PIK3C2G: variants seen among roughly 807,000 people sequenced by gnomAD.
PIK3C2G encodes phosphatidylinositol 3-kinase C2 domain-containing subunit gamma.
PIK3C2G carries 168 observed loss-of-function variants against 181.1 expected under a neutral mutation model. That is an observed-to-expected ratio of 0.93 (90% confidence interval 0.82 to 1.05). The LOEUF (loss-of-function observed/expected upper bound fraction) is 1.05, where lower values mean the gene tolerates loss of function less well. Ranked by LOEUF, PIK3C2G falls within the 50% of genes least tolerant of loss-of-function variation. The pLI, the probability that PIK3C2G is intolerant of heterozygous loss-of-function variation, is 0.00. For synonymous variants in PIK3C2G, 573 were observed against 592.2 expected, an observed-to-expected ratio of 0.97 and a Z score of 0.47; for missense variants, 1,869 against 1,732.8, an observed-to-expected ratio of 1.08 and a Z score of -1.40.
upstream of PIK3C2G, among the ~76,000 whole-genome samples, chr12:18,243,194 C>G (rs990018354): frequency 6.7e-6 from 1 of 148,224 alleles, no homozygotes; most frequent in African/African-American, 2.5e-5. Flanking sequence ...TAAAGTCTTT[C>G]TGTGTGTGTG....
At position 18,314,004 on chromosome 12, in the gene PIK3C2G, A is replaced by T. The variant is rs373231729; in HGVS notation, c.1077A>T (p.Lys359Asn). ...GCCACAAAATGTTTCAAAAAGATAA[A>T]TCTGTTATTCAGCTCCACCTGCAGA... The part of the protein sequence containing the change: ...LGSHKMFQKD[K>N]SVIQLHLQKS... The change falls in exon 6 of 33, where the codon AAA (lysine) becomes AAT (asparagine). Residue 359 changes from lysine (K) to asparagine (N), a missense_variant. Physicochemically the swap from Lys to Asn is moderately conservative, Grantham distance 94 (BLOSUM62 0). Transcript: ENST00000538779. The T allele has an allele frequency of 8.9e-5, 141 of 1,592,208 alleles. No homozygotes were observed. The highest frequency in any genetic ancestry group is 1.7e-4 in the Middle Eastern group (1 of 6,038).
At chr12:18,264,926 G>A (rs1948416749) in intron 1 of PIK3C2G, among the ~76,000 whole-genome samples, 1 of 152,144 alleles carries the variant, frequency 6.6e-6, no homozygotes, top group Non-Finnish European at 1.5e-5. Context: ...GTAGAAGCCT[G>A]CATGGGGCAT....
At chr12:18,559,821 T>TATATAGAGAGAGAGAG (rs1945244509) in intron 26 of PIK3C2G, among the ~76,000 whole-genome samples, 1 of 18,372 alleles carries the variant, frequency 5.4e-5, no homozygotes, top group Non-Finnish European at 9.6e-5. Flanking sequence ...TATATATATA[T>TATATAGAGAGAGAGAG]AGAGAGAGAG....
chr12:18,582,188 G>A (rs1946533109), intron 29 of PIK3C2G, among the ~76,000 whole-genome samples: 1 of 152,142 alleles, frequency 6.6e-6, no homozygotes, highest in Non-Finnish European at 1.5e-5. Context: ...TACAGCACCT[G>A]CGATTGAAGC....
At chr12:18,514,776 A>G (rs943543691) in intron 24 of PIK3C2G, among the ~76,000 whole-genome samples, 80 of 151,994 alleles carry the variant, frequency 5.3e-4, no homozygotes, top group African/African-American at 1.8e-3. Flanking sequence ...TTCCAACACT[A>G]TGTTGAAGAA....
the PIK3C2G span, among the ~76,000 whole-genome samples, chr12:18,696,890 T>C: frequency 6.6e-6 from 1 of 152,162 alleles, no homozygotes; most frequent in African/African-American, 2.4e-5. Context: ...ATTTCAAATG[T>C]CGTTCTTACT....
chr12:18,299,196 T>C (rs1950072509), intron 5 of PIK3C2G, among the ~76,000 whole-genome samples: 1 of 152,004 alleles, frequency 6.6e-6, no homozygotes, highest in African/African-American at 2.4e-5. Context: ...TCCATTTATT[T>C]GTGTGCTGTT....
At chr12:18,666,620 G>T in the PIK3C2G span, among the ~76,000 whole-genome samples, 1 of 152,136 alleles carries the variant, frequency 6.6e-6, no homozygotes, top group Non-Finnish European at 1.5e-5. Context: ...ACAACATTTG[G>T]AGATTTTAAT....
At chr12:18,342,510 T>C (rs951368638) in intron 9 of PIK3C2G, among the ~76,000 whole-genome samples, 1 of 152,010 alleles carries the variant, frequency 6.6e-6, no homozygotes, top group Non-Finnish European at 1.5e-5. Context: ...ATTTTTACTT[T>C]TTTAAATTTT....
intron 16 of PIK3C2G, among the ~76,000 whole-genome samples, chr12:18,410,832 T>G (rs1466673084): frequency 2.6e-5 from 4 of 152,212 alleles, no homozygotes; most frequent in African/African-American, 9.6e-5. Flanking sequence ...GTGCTTTCAG[T>G]ACACTACTGG....
At chr12:18,254,172 A>G (rs995384424) in intron 1 of PIK3C2G, among the ~76,000 whole-genome samples, 1 of 152,110 alleles carries the variant, frequency 6.6e-6, no homozygotes, top group Non-Finnish European at 1.5e-5. Flanking sequence ...ATTTTTGTGT[A>G]CTTTGTATTA....
At chr12:18,399,113 T>A (rs993270400) in intron 15 of PIK3C2G, among the ~76,000 whole-genome samples, 5 of 145,950 alleles carry the variant, frequency 3.4e-5, no homozygotes, top group Non-Finnish European at 7.5e-5. Context: ...GAGAATGGCG[T>A]GAACCCGGGA....
At chr12:18,692,716 A>G in the PIK3C2G span, 2 of 810,466 alleles carry the variant, frequency 2.5e-6, no homozygotes, top group South Asian at 1.5e-5. Context: ...ACTTTGAATC[A>G]TCAACATAAA....
rs371325392 is a variant in PIK3C2G, at chr12:18,306,464, CTGG to C, written c.1035-7496_1035-7494del. 2.2e-4 allele frequency among the ~76,000 whole-genome samples: 33 copies of C among 152,160 alleles called. No homozygotes were observed. The East Asian group carries it at 5.6e-3, about 26-fold the overall frequency. ...AAAATAACAATAAACTCAAGAAGCA[CTGG>C]TTTAGTGAAACAACGTATCACTGAC... On this transcript the variant is annotated intron_variant, in intron 5 of 32. Coordinates refer to ENST00000538779, the MANE Select transcript of PIK3C2G (RefSeq NM_001288772.2).
chr12:18,661,563 T>C, the PIK3C2G span, among the ~76,000 whole-genome samples: 1 of 152,168 alleles, frequency 6.6e-6, no homozygotes, highest in Non-Finnish European at 1.5e-5. Flanking sequence ...TCAACATTAT[T>C]AATCAGAAAA....
At chr12:18,389,198 A>G (rs1318683067) in intron 14 of PIK3C2G, among the ~76,000 whole-genome samples, 7 of 151,968 alleles carry the variant, frequency 4.6e-5, no homozygotes, top group Non-Finnish European at 1.0e-4. Flanking sequence ...TAAAAATACA[A>G]AAAAATTAGC....
At chr12:18,539,735 C>T (rs182579870) in intron 25 of PIK3C2G, among the ~76,000 whole-genome samples, 4 of 151,976 alleles carry the variant, frequency 2.6e-5, no homozygotes, top group South Asian at 4.2e-4. Context: ...TTTCAAACAA[C>T]ATATTCACCT....
chr12:18,432,123 C>T (rs563820792), intron 18 of PIK3C2G, among the ~76,000 whole-genome samples: 1 of 152,142 alleles, frequency 6.6e-6, no homozygotes, highest in South Asian at 2.1e-4. Context: ...TTTTAAAATA[C>T]CATACAATCT....
intron 18 of PIK3C2G, among the ~76,000 whole-genome samples, chr12:18,470,954 G>T (rs1468112704): frequency 6.6e-6 from 1 of 151,990 alleles, no homozygotes; most frequent in Non-Finnish European, 1.5e-5. Flanking sequence ...AAGAATTAAA[G>T]GGAATGAGAT....
Sources: gnomAD v4.1 joint callset for allele counts (sites outside exome capture counted in the v4.1 genomes callset) on GRCh38, gnomAD v4.1.1 for gene constraint, MANE v1.5 for transcripts, NCBI Gene and HGNC (gene_info 2026-07-23, HGNC 2026-07-21) for gene names.